The following PTPRD variants were observed in gnomAD, a reference collection of about 807,000 sequenced individuals.
PTPRD encodes the protein protein tyrosine phosphatase receptor type D, also known as receptor-type tyrosine-protein phosphatase delta.
Under a neutral mutation model 214.5 loss-of-function variants are expected in PTPRD, and 34 were observed. The observed-to-expected ratio is 0.16, with a 90% CI of 0.12 to 0.21. PTPRD has a LOEUF of 0.21. PTPRD is among the 10% of genes least tolerant of loss of function. The probability of loss-of-function intolerance (pLI) is 1.00; values close to 1 mark genes in which losing one functional copy is unlikely to be tolerated. For missense variants in PTPRD, 2,545 were observed against 2,398.7 expected, an observed-to-expected ratio of 1.06 and a Z score of -1.27; for synonymous variants, 1,128 against 845.7, an observed-to-expected ratio of 1.33 and a Z score of -5.79.
chr9:10,061,206 C>T (rs1478959666), intron 3 of PTPRD, among the ~76,000 whole-genome samples: 1 of 151,730 alleles, frequency 6.6e-6, no homozygotes, highest in Non-Finnish European at 1.5e-5. Context: ...AATGAAAATG[C>T]ATAACAAGTT....
chr9:8,712,325 A>G (rs2098355162), intron 12 of PTPRD, among the ~76,000 whole-genome samples: 1 of 152,236 alleles, frequency 6.6e-6, no homozygotes, highest in Non-Finnish European at 1.5e-5. Context: ...ATTATTTATT[A>G]CAAATATTTA....
chr9:10,266,270 G>C (rs554800410), intron 3 of PTPRD, among the ~76,000 whole-genome samples: 12 of 151,674 alleles, frequency 7.9e-5, no homozygotes, highest in African/African-American at 2.9e-4. Flanking sequence ...AATTAAAATA[G>C]CCCTTGAAAA....
intron 35 of PTPRD, among the ~76,000 whole-genome samples, chr9:8,417,343 G>A (rs7861870): frequency 0.49 from 74,766 of 151,828 alleles, 18,896 homozygotes; most frequent in East Asian, 0.71. Context: ...TAAATTCTGC[G>A]GGAAAAGAGA....
At chr9:10,316,355 G>A (rs1469791487) in intron 3 of PTPRD, among the ~76,000 whole-genome samples, 2 of 151,770 alleles carry the variant, frequency 1.3e-5, no homozygotes, top group Non-Finnish European at 2.9e-5. Context: ...TATAGTAACA[G>A]AAGACACCGC....
At chr9:9,269,430 T>G (rs971844337) in intron 9 of PTPRD, among the ~76,000 whole-genome samples, 1 of 147,548 alleles carries the variant, frequency 6.8e-6, no homozygotes, top group Non-Finnish European at 1.5e-5. Flanking sequence ...ACAGCCACTA[T>G]GAAAACAATA....
chr9:9,119,238 T>C (rs183776435), intron 10 of PTPRD, among the ~76,000 whole-genome samples: 28 of 152,326 alleles, frequency 1.8e-4, no homozygotes, highest in African/African-American at 5.1e-4. Flanking sequence ...GTCTAAGTTA[T>C]TGCAGAAACC....
rs1223945426 is a variant in PTPRD at position 8,321,524 on chromosome 9, T to TAA, written c.5535-1559_5535-1558insTT. ...ATATATATATATATATATATATATA[T>TAA]ATAAAAGGTATATGCATCGCAATTC... On this transcript the variant is annotated intron_variant, in intron 44 of 45. Transcript: ENST00000381196. Among the ~76,000 whole-genome samples the TAA allele has an allele frequency of 2.6e-3, 335 of 127,036 alleles. 5 individuals are homozygous for TAA. Among genetic ancestry groups the TAA allele is most frequent in the African/African-American group, 8.7e-3 (308 of 35,212 alleles). 83.3% of individuals were successfully genotyped at this position (127,036 alleles called of 152,430 possible).
chr9:10,178,848 A>G (rs993331252), intron 3 of PTPRD, among the ~76,000 whole-genome samples: 3 of 151,990 alleles, frequency 2.0e-5, no homozygotes, highest in South Asian at 2.1e-4. Flanking sequence ...TTACAAATGC[A>G]CACTGGGGGA....
chr9:8,523,470 TAATA>T (rs1258414450), intron 19 of PTPRD, 39 bp downstream of exon 19: 2 of 1,601,792 alleles, frequency 1.2e-6, no homozygotes, highest in Non-Finnish European at 1.7e-6. Flanking sequence ...TTGGTTTAAT[TAATA>T]GTTTTGTAAG....
intron 2 of PTPRD, among the ~76,000 whole-genome samples, chr9:10,407,131 C>T (rs76523237): frequency 0.038 from 5,758 of 151,458 alleles, 368 homozygotes; most frequent in African/African-American, 0.13. Flanking sequence ...TCTCTGATAC[C>T]GGGCAGACAT....
chr9:10,250,771 T>C (rs1240033258), intron 3 of PTPRD, among the ~76,000 whole-genome samples: 1 of 152,004 alleles, frequency 6.6e-6, no homozygotes, highest in African/African-American at 2.4e-5. Context: ...AAACTGTTTA[T>C]ATGTTTTACT....
At chr9:9,166,022 T>C (rs754821368) in intron 10 of PTPRD, among the ~76,000 whole-genome samples, 19 of 152,130 alleles carry the variant, frequency 1.2e-4, no homozygotes, top group Non-Finnish European at 2.5e-4. Flanking sequence ...TCAGGTACAA[T>C]TGTCTGTCCC....
intron 10 of PTPRD, among the ~76,000 whole-genome samples, chr9:9,094,236 A>G (rs1406768056): frequency 6.6e-6 from 1 of 152,186 alleles, no homozygotes; most frequent in Admixed American, 6.5e-5. Flanking sequence ...GCATATTTAT[A>G]GCAGCCACAA....
At chr9:9,795,683 G>A (rs1205195815) in intron 5 of PTPRD, among the ~76,000 whole-genome samples, 1 of 151,996 alleles carries the variant, frequency 6.6e-6, no homozygotes, top group African/African-American at 2.4e-5. Context: ...ATTTCTTTGT[G>A]GTAGGACAAA....
intron 5 of PTPRD, among the ~76,000 whole-genome samples, chr9:9,808,312 G>C (rs1390724432): frequency 6.6e-6 from 1 of 152,078 alleles, no homozygotes; most frequent in Non-Finnish European, 1.5e-5. Context: ...TTAATCTCTT[G>C]TTCTTCTTGC....
At chr9:8,853,426 G>C (rs1041910496) in intron 11 of PTPRD, among the ~76,000 whole-genome samples, 1 of 152,080 alleles carries the variant, frequency 6.6e-6, no homozygotes, top group African/African-American at 2.4e-5. Flanking sequence ...TTTTAAAAAA[G>C]GGAGAGAATT....
chr9:8,859,018 C>T (rs1383519248), intron 11 of PTPRD, among the ~76,000 whole-genome samples: 1 of 152,198 alleles, frequency 6.6e-6, no homozygotes, highest in Non-Finnish European at 1.5e-5. Context: ...CTGGTCGCGC[C>T]CTATTGACAG....
intron 14 of PTPRD, among the ~76,000 whole-genome samples, chr9:8,572,011 T>C (rs898797414): frequency 5.3e-5 from 8 of 152,188 alleles, no homozygotes; most frequent in African/African-American, 1.9e-4. Context: ...TGTACAGTGA[T>C]GATATAGATA....
At chr9:9,931,896 C>G (rs530709932) in intron 5 of PTPRD, among the ~76,000 whole-genome samples, 1 of 151,052 alleles carries the variant, frequency 6.6e-6, no homozygotes, top group Non-Finnish European at 1.5e-5. Context: ...GGGCAGACTG[C>G]CTCCTCAAGT....
Sources: gnomAD v4.1 joint callset for allele counts (sites outside exome capture counted in the v4.1 genomes callset) on GRCh38, gnomAD v4.1.1 for gene constraint, MANE v1.5 for transcripts, NCBI Gene and HGNC (gene_info 2026-07-23, HGNC 2026-07-21) for gene names.